PGBD5: variants seen among roughly 807,000 people sequenced by gnomAD.
The protein encoded by PGBD5 is piggyBac transposable element derived 5.
In PGBD5, 14 loss-of-function variants were observed where a neutral mutation model predicts 47.9. That is an observed-to-expected ratio of 0.29 (90% confidence interval 0.19 to 0.46). The LOEUF is 0.46. Ranked by LOEUF, PGBD5 falls within the 20% of genes least tolerant of loss-of-function variation. The probability of loss-of-function intolerance (pLI) is 1.00; values close to 1 mark genes in which losing one functional copy is unlikely to be tolerated. For synonymous variants in PGBD5, 316 were observed against 306.3 expected, an observed-to-expected ratio of 1.03 and a Z score of -0.33; for missense variants, 635 against 716.0, an observed-to-expected ratio of 0.89 and a Z score of 1.29.
chr1:230,323,797 GTT>G lies in PGBD5; in HGVS notation c.1380-179_1380-178del, dbSNP rs1408760697. Reference sequence around the variant, plus strand: ...GATGTTAGGTGAGTTCCAGCTGGGGGTTTTGTCACAGTGAACTTCATTTAAGA... The same window carrying G: ...GATGTTAGGTGAGTTCCAGCTGGGGGTTGTCACAGTGAACTTCATTTAAGA... On this transcript the variant is annotated intron_variant, in intron 6 of 6. Transcript: ENST00000391860. This position sits in a 1 kb window ranked among gnomAD's most constrained non-coding sequence, Gnocchi z 4.1. Among the ~76,000 whole-genome samples, 1 of 152,196 alleles carries G rather than the reference GTT, an allele frequency of 6.6e-6. No individual in the cohort carries two copies. Among genetic ancestry groups the G allele is most frequent in the African/African-American group, 2.4e-5 (1 of 41,442 alleles).
In PGBD5 at chr1:230,337,239, A is replaced by T; in HGVS notation, c.944T>A (p.Leu315Gln). The T allele has an allele frequency of 6.2e-7, 1 of 1,613,934 alleles. No individual in the cohort carries two copies. The highest frequency in any genetic ancestry group is 8.5e-7 in the Non-Finnish European group (1 of 1,179,972). Residue 315 changes from leucine (L) to glutamine (Q), a missense_variant, in exon 4 of 7, where the codon CTG becomes CAG. Physicochemically the swap from Leu to Gln is moderately radical, Grantham distance 113. Transcript: ENST00000391860. ...EGGGPDGLDA[L>Q]KNKPQLHSMV... ...GCTGTGGAGCTGGGGCTTATTCTTC[A>T]GCGCATCCAGGCCATCTGGGCCCCC...
chr1:230,341,065 G>A (rs545956003), intron 3 of PGBD5, among the ~76,000 whole-genome samples: 1 of 152,310 alleles, frequency 6.6e-6, no homozygotes, highest in African/African-American at 2.4e-5. Context: ...GAAGAAGGAT[G>A]CAGCCAAGAA....
At chr1:230,402,624 T>G (rs1430605972) in intron 1 of PGBD5, among the ~76,000 whole-genome samples, 1 of 152,078 alleles carries the variant, frequency 6.6e-6, no homozygotes, top group Non-Finnish European at 1.5e-5. Context: ...TGGCTAATTT[T>G]TAAAATTTTT....
rs373916266 is a variant in PGBD5, at chr1:230,337,254, T to G, written c.929A>C (p.Asp310Ala). The G allele has an allele frequency of 6.2e-7, 1 of 1,613,634 alleles. No homozygotes were observed. ...YVHLKEGGGP[D>A]GLDALKNKPQ... ...CTTATTCTTCAGCGCATCCAGGCCA[T>G]CTGGGCCCCCACCTTCCTTCAGGTG... The change falls in exon 4 of 7, where the codon GAT (aspartate) becomes GCT (alanine). Residue 310 changes from aspartate (D) to alanine (A), a missense_variant. By Grantham distance (126) the Asp-to-Ala change is moderately radical. Coordinates refer to ENST00000391860, the MANE Select transcript of PGBD5 (RefSeq NM_001258311.2).
chr1:230,400,174 C>T (rs902491789), intron 1 of PGBD5, among the ~76,000 whole-genome samples: 4 of 152,198 alleles, frequency 2.6e-5, no homozygotes, highest in African/African-American at 9.6e-5. Context: ...ACTCCTGCCT[C>T]GGGCCTCACA....
At chr1:230,355,715 C>T (rs546645731) in intron 2 of PGBD5, among the ~76,000 whole-genome samples, 18 of 152,292 alleles carry the variant, frequency 1.2e-4, no homozygotes, top group African/African-American at 4.3e-4. Context: ...GGAATCCACA[C>T]GGGACTGTGG....
rs541915326 is a variant in PGBD5 at position 230,349,891 on chromosome 1, G to A, written c.894+1067C>T. ...TGCACAAGCAGAGCCCCAGAGTCTG[G>A]CTGGAGATCCTGACCCCAACTCAAC... On this transcript the variant is annotated intron_variant, in intron 3 of 6. Coordinates refer to ENST00000391860, the MANE Select transcript of PGBD5 (RefSeq NM_001258311.2). 3.2e-3 allele frequency among the ~76,000 whole-genome samples: 485 copies of A among 152,316 alleles called. 3 individuals carry two copies. The highest frequency in any genetic ancestry group is 0.011 in the African/African-American group (470 of 41,568).
At chr1:230,401,358 G>A (rs903539122) in intron 1 of PGBD5, among the ~76,000 whole-genome samples, 15 of 152,186 alleles carry the variant, frequency 9.9e-5, no homozygotes, top group African/African-American at 2.9e-4. Flanking sequence ...CAGGCAGTAC[G>A]TGCTCCGGGA....
chr1:230,403,400 C>G (rs1255338664), intron 1 of PGBD5, among the ~76,000 whole-genome samples: 1 of 152,210 alleles, frequency 6.6e-6, no homozygotes, highest in Non-Finnish European at 1.5e-5. Flanking sequence ...CCACTTGTCC[C>G]CCTTCTGTCT....
intron 1 of PGBD5, among the ~76,000 whole-genome samples, chr1:230,415,918 C>G (rs1303940794): frequency 6.6e-6 from 1 of 152,228 alleles, no homozygotes; most frequent in Non-Finnish European, 1.5e-5. Context: ...CTCTTGAGCA[C>G]TCTGTAGCTC....
intron 1 of PGBD5, among the ~76,000 whole-genome samples, chr1:230,369,013 C>G (rs1290618901): frequency 2.0e-5 from 3 of 152,158 alleles, no homozygotes; most frequent in Non-Finnish European, 4.4e-5. Flanking sequence ...CCCAAAGAAG[C>G]AAATGAACAA....
intron 3 of PGBD5, among the ~76,000 whole-genome samples, chr1:230,349,934 C>T (rs6693862): frequency 0.028 from 4,277 of 152,330 alleles, 85 homozygotes; most frequent in East Asian, 0.086. Context: ...TCCCTCAGAC[C>T]TGCAGAAGGA....
intron 4 of PGBD5, among the ~76,000 whole-genome samples, chr1:230,333,578 C>G (rs775164544): frequency 6.6e-6 from 1 of 152,234 alleles, no homozygotes; most frequent in African/African-American, 2.4e-5. Context: ...AATGGTCTCA[C>G]CAGGACGTGG....
rs557416171 is a variant in PGBD5, at chr1:230,333,857, A to C, written c.1076-816T>G. Among the ~76,000 whole-genome samples, 4 of 152,268 alleles carry C rather than the reference A, an allele frequency of 2.6e-5. No homozygotes were observed. In the East Asian group the frequency reaches 7.7e-4, roughly 29 times the overall value. On this transcript the variant is annotated intron_variant, in intron 4 of 6. Transcript: ENST00000391860. Reference sequence around the variant, plus strand: ...ACAAACACCCACCGCGGACTTGCTCACTTCCACTCTGGACTCAAGGCCTTT... The same window carrying C: ...ACAAACACCCACCGCGGACTTGCTCCCTTCCACTCTGGACTCAAGGCCTTT...
rs762474393 is a variant in PGBD5 at position 230,332,947 on chromosome 1, C to T, written c.1170G>A (p.Arg390=). The T allele has an allele frequency of 3.1e-6, 5 of 1,614,152 alleles. No individual in the cohort carries two copies. ...CCTTCATCTTGATTTGGTACTGGCC[C>T]CGGGCCGGGGGTGTGGCTGGGTTGG... The part of the protein sequence containing the change: ...MLTNPATPPA[R]GQYQIKMKGN... The change falls in exon 5 of 7, where the codon CGG becomes CGA. Residue 390 remains arginine, a synonymous_variant. Transcript: ENST00000391860.
At chr1:230,369,037 C>T (rs1043449625) in intron 1 of PGBD5, among the ~76,000 whole-genome samples, 2 of 152,278 alleles carry the variant, frequency 1.3e-5, no homozygotes, top group Non-Finnish European at 2.9e-5. Context: ...GGAAGTGGCA[C>T]AAGCCCTGTC....
chr1:230,355,702 C>T (rs186339084), intron 2 of PGBD5, among the ~76,000 whole-genome samples: 138 of 152,284 alleles, frequency 9.1e-4, no homozygotes, highest in Non-Finnish European at 1.4e-3. Flanking sequence ...ATTCAGATAA[C>T]AGGGAATCCA....
intron 3 of PGBD5, among the ~76,000 whole-genome samples, chr1:230,345,125 T>A (rs1667457283): frequency 6.6e-6 from 1 of 152,236 alleles, no homozygotes; most frequent in African/African-American, 2.4e-5. Flanking sequence ...GGACCTTTTT[T>A]TTCTCCTCCA....
chr1:230,337,301 C>A lies in PGBD5; in HGVS notation c.895-13G>T. ...GGTGGACATAAATCTTTAACAGAAA[C>A]ACACAGAGGTTAGCGTGCTCACAGC... is the stretch of plus-strand genomic sequence containing the variant. On this transcript the variant is annotated splice_polypyrimidine_tract_variant and intron_variant, in intron 3 of 6. Coordinates refer to ENST00000391860, the MANE Select transcript of PGBD5 (RefSeq NM_001258311.2). 1 of 1,600,388 alleles carries A rather than the reference C, an allele frequency of 6.2e-7. No homozygotes were observed. Among genetic ancestry groups the A allele is most frequent in the Non-Finnish European group, 8.5e-7 (1 of 1,174,620 alleles).
Sources: gnomAD v4.1 joint callset for allele counts (sites outside exome capture counted in the v4.1 genomes callset) on GRCh38, gnomAD v4.1.1 for gene constraint, Gnocchi (gnomAD v3.1) non-coding constraint, MANE v1.5 for transcripts, NCBI Gene and HGNC (gene_info 2026-07-23, HGNC 2026-07-21) for gene names.